The following TDRD10 variants were observed in gnomAD, a reference collection of about 807,000 sequenced individuals.
TDRD10 encodes the protein tudor domain-containing protein 10.
TDRD10 carries 40 observed loss-of-function variants against 48.0 expected under a neutral mutation model. The observed-to-expected ratio is 0.83, with a 90% CI of 0.65 to 1.09. The LOEUF is 1.09. TDRD10 is among the 50% of genes least tolerant of loss of function. TDRD10 has a pLI of 0.00. For missense variants in TDRD10, 378 were observed against 434.7 expected (o/e 0.87, Z 1.16); for synonymous variants, 162 against 170.4 (o/e 0.95, Z 0.38).
intron 4 of TDRD10, among the ~76,000 whole-genome samples, chr1:154,513,677 TC>T (rs1237804643): frequency 2.6e-5 from 4 of 152,250 alleles, no homozygotes; most frequent in Middle Eastern, 3.4e-3. Context: ...TTTAAAGTAT[TC>T]CTATACTTTA....
intron 6 of TDRD10, among the ~76,000 whole-genome samples, chr1:154,531,029 T>C (rs1029831887): frequency 7.9e-5 from 12 of 151,824 alleles, no homozygotes; most frequent in Non-Finnish European, 1.5e-5. Flanking sequence ...TTAGTAGAGA[T>C]GGGGTTTCAC....
chr1:154,534,222 A>G (rs1694804030), intron 6 of TDRD10, among the ~76,000 whole-genome samples: 1 of 152,104 alleles, frequency 6.6e-6, no homozygotes, highest in Non-Finnish European at 1.5e-5. Flanking sequence ...AATCTAAAAT[A>G]TTTACTATCT....
At chr1:154,537,913 G>C (rs1695009501) in intron 6 of TDRD10, among the ~76,000 whole-genome samples, 1 of 152,180 alleles carries the variant, frequency 6.6e-6, no homozygotes, top group Non-Finnish European at 1.5e-5. Flanking sequence ...CATGCTTGTA[G>C]CAACAATGGA....
Position 154,538,624 on chromosome 1 carries a change from C to T in TDRD10, c.370-3400C>T, listed in dbSNP as rs186404973. 1.4e-3 allele frequency among the ~76,000 whole-genome samples: 211 copies of T among 146,438 alleles called. 1 individual carries two copies. The highest frequency in any genetic ancestry group is 5.0e-3 in the African/African-American group (198 of 39,764). ...ATCCCAGCACTTTGGGAGGCTGAGG[C>T]GGGCGGATCATGAGGTCAGGAGATG... is the stretch of plus-strand genomic sequence containing the variant. On this transcript the variant is annotated intron_variant, in intron 6 of 12. Coordinates refer to ENST00000368482, the MANE Select transcript of TDRD10 (RefSeq NM_182499.4).
chr1:154,534,790 G>T (rs1694833024), intron 6 of TDRD10, among the ~76,000 whole-genome samples: 1 of 152,170 alleles, frequency 6.6e-6, no homozygotes, highest in Non-Finnish European at 1.5e-5. Flanking sequence ...AAAAGAAAAG[G>T]TAAAATTAGA....
At position 154,508,412 on chromosome 1, in the gene TDRD10, TTTC is replaced by T. The variant is rs764842501; in HGVS notation, c.83-5_83-3del. 6.3e-7 allele frequency: 1 copy of T among 1,595,798 alleles called. No individual in the cohort carries two copies. The highest frequency in any genetic ancestry group is 1.3e-5 in the African/African-American group (1 of 74,536). On this transcript the variant is annotated splice_polypyrimidine_tract_variant and splice_region_variant and intron_variant, in intron 3 of 12. Coordinates refer to ENST00000368482, the MANE Select transcript of TDRD10 (RefSeq NM_182499.4). ...TGTATGCCTGCCATTTAATGCTGTTTTTCTTCTTAGGATTCAAGAAAAGAGAGA... is the reference window on the plus strand; with the variant it reads ...TGTATGCCTGCCATTTAATGCTGTTTTTCTTAGGATTCAAGAAAAGAGAGA...
intron 11 of TDRD10, 51 bp downstream of exon 11, chr1:154,545,000 A>G (rs768688702): frequency 3.8e-6 from 6 of 1,597,388 alleles, no homozygotes; most frequent in Non-Finnish European, 5.1e-6. Flanking sequence ...AGGAGAAGCC[A>G]TGGTTGCTTC....
At chr1:154,508,344 G>C (rs998157863) in intron 3 of TDRD10, 79 bp from the exon 4 acceptor site, 3 of 984,532 alleles carry the variant, frequency 3.0e-6, no homozygotes, top group Non-Finnish European at 4.9e-6. Flanking sequence ...GAGAGACCCT[G>C]TCTCTATCCT....
chr1:154,504,097 T>G (rs746013769), intron 1 of TDRD10, among the ~76,000 whole-genome samples: 12 of 152,256 alleles, frequency 7.9e-5, no homozygotes, highest in Non-Finnish European at 2.9e-5. Flanking sequence ...TATATAGATT[T>G]GTCTAGTCAG....
chr1:154,544,701 C>G, intron 10 of TDRD10, 94 bp from the exon 11 acceptor site: 1 of 1,532,102 alleles, frequency 6.5e-7, no homozygotes, highest in East Asian at 2.3e-5. Context: ...CTTCCTCCCT[C>G]CTACCTCCAC....
chr1:154,544,057 G>T lies in TDRD10; in HGVS notation c.598G>T (p.Val200Leu). ...CGTCCGTGGGGAGGCGGGGCTGCTG[G>T]TGACGAGTATCGTCCCGAAGACCCC... is the stretch of plus-strand genomic sequence containing the variant. The part of the protein sequence containing the change: ...HSVRGEAGLL[V>L]TSIVPKTPFF... Residue 200 changes from valine (V) to leucine (L), a missense_variant, in exon 9 of 13, where the codon GTG becomes TTG. Val to Leu is a conservative substitution (Grantham distance 32, BLOSUM62 1). Coordinates refer to ENST00000368482, the MANE Select transcript of TDRD10 (RefSeq NM_182499.4). 6.2e-7 allele frequency: 1 copy of T among 1,614,192 alleles called. No homozygotes were observed. Among genetic ancestry groups the T allele is most frequent in the Non-Finnish European group, 8.5e-7 (1 of 1,180,026 alleles).
intron 11 of TDRD10, among the ~76,000 whole-genome samples, chr1:154,546,466 C>CATA (rs1557840920): frequency 7.1e-6 from 1 of 141,112 alleles, no homozygotes; most frequent in Non-Finnish European, 1.5e-5. Context: ...TATTATGTAA[C>CATA]ATATATAATA....
At chr1:154,541,202 G>C (rs1375497585) in intron 6 of TDRD10, among the ~76,000 whole-genome samples, 2 of 152,004 alleles carry the variant, frequency 1.3e-5, no homozygotes, top group Admixed American at 1.3e-4. Context: ...AGGAGCAGCA[G>C]GGTGGGTCTG....
At position 154,520,340 on chromosome 1, in the gene TDRD10, C is replaced by T; in HGVS notation, c.178C>T (p.Leu60Phe). ...GTACCTTCTAAAGGACTTCAACCCT[C>T]TTGATGTCCACAAAATCCAGAATGG... ...ILYLLKDFNPLDVHKIQNGCK... is the reference protein window; with the variant it reads ...ILYLLKDFNPFDVHKIQNGCK... The change falls in exon 5 of 13, where the codon CTT becomes TTT. Residue 60 changes from leucine (L) to phenylalanine (F), a missense_variant. Coordinates refer to ENST00000368482, the MANE Select transcript of TDRD10 (RefSeq NM_182499.4). 2 of 1,614,012 alleles carry T rather than the reference C, an allele frequency of 1.2e-6. No individual in the cohort carries two copies. The highest frequency in any genetic ancestry group is 1.7e-6 in the Non-Finnish European group (2 of 1,179,884).
intron 11 of TDRD10, among the ~76,000 whole-genome samples, chr1:154,547,031 G>A (rs985052013): frequency 3.3e-5 from 5 of 152,086 alleles, no homozygotes; most frequent in Middle Eastern, 6.3e-3. Flanking sequence ...GAGTGCTTGC[G>A]TCTCATGGTG....
At chr1:154,509,340 C>T (rs1015681936) in intron 4 of TDRD10, among the ~76,000 whole-genome samples, 1 of 152,142 alleles carries the variant, frequency 6.6e-6, no homozygotes, top group African/African-American at 2.4e-5. Flanking sequence ...TATTCCTTTA[C>T]ACTATTTACT....
intron 4 of TDRD10, 30 bp from the exon 5 acceptor site, chr1:154,520,274 G>GTC: frequency 1.1e-5 from 17 of 1,537,316 alleles, no homozygotes; most frequent in Non-Finnish European, 1.3e-5. Flanking sequence ...ATGTCTCTGG[G>GTC]TCTCTCTCTT....
intron 6 of TDRD10, among the ~76,000 whole-genome samples, chr1:154,535,135 G>A (rs1294995535): frequency 6.6e-6 from 1 of 152,214 alleles, no homozygotes; most frequent in Non-Finnish European, 1.5e-5. Context: ...GGGAGGCCGA[G>A]GTGGGCGGAT....
At chr1:154,516,064 G>A (rs1179706410) in intron 4 of TDRD10, among the ~76,000 whole-genome samples, 1 of 152,164 alleles carries the variant, frequency 6.6e-6, no homozygotes, top group African/African-American at 2.4e-5. Context: ...CATAAAAGAT[G>A]AGCCCAGCAG....
Sources: gnomAD v4.1 joint callset for allele counts (sites outside exome capture counted in the v4.1 genomes callset) on GRCh38, gnomAD v4.1.1 for gene constraint, MANE v1.5 for transcripts, NCBI Gene and HGNC (gene_info 2026-07-23, HGNC 2026-07-21) for gene names.